MEF2B: variants seen among roughly 807,000 people sequenced by gnomAD.
The protein encoded by MEF2B is myocyte enhancer factor 2B.
A neutral mutation model predicts 32.2 loss-of-function variants in MEF2B; 15 were observed. The observed-to-expected ratio is 0.47, with a 90% confidence interval of 0.31 to 0.72. MEF2B has a LOEUF of 0.72. MEF2B is among the 30% of genes least tolerant of loss of function. The probability of loss-of-function intolerance (pLI) is 0.05; values close to 1 mark genes in which losing one functional copy is unlikely to be tolerated. For missense variants in MEF2B, 441 were observed against 511.5 expected, an observed-to-expected ratio of 0.86 and a Z score of 1.33; for synonymous variants, 205 against 225.6, an observed-to-expected ratio of 0.91 and a Z score of 0.82.
rs1264582324 is a variant in MEF2B, at chr19:19,164,574, G to C, written c.-30+5631C>G. ...CACGCCTGTAATCCCACTACTTTGG[G>C]AGACCGAGGTGGGCAGATCACTTGA... On this transcript the variant is annotated intron_variant, in intron 1 of 8. Transcript: ENST00000424583. 2.0e-5 allele frequency among the ~76,000 whole-genome samples: 3 copies of C among 152,242 alleles called. No homozygotes were observed. In the East Asian group the frequency reaches 5.8e-4, roughly 29 times the overall value.
intron 1 of MEF2B, among the ~76,000 whole-genome samples, chr19:19,152,104 G>A (rs1212598442): frequency 6.6e-6 from 1 of 151,724 alleles, no homozygotes; most frequent in Non-Finnish European, 1.5e-5. Flanking sequence ...GAGATTACAG[G>A]TGCCCTCCAC....
At chr19:19,155,171 T>C (rs1208668011) in intron 1 of MEF2B, among the ~76,000 whole-genome samples, 1 of 152,186 alleles carries the variant, frequency 6.6e-6, no homozygotes, top group African/African-American at 2.4e-5. Context: ...CCCACTGCCC[T>C]TATGAGAAAG....
Position 19,146,030 on chromosome 19 carries a change from G to C in MEF2B, c.882-8C>G, listed in dbSNP as rs2099153908. The C allele has an allele frequency of 7.0e-7, 1 of 1,425,136 alleles. No individual in the cohort carries two copies. The highest frequency in any genetic ancestry group is 1.5e-5 in the South Asian group (1 of 65,766). 88.3% of individuals were successfully genotyped at this position (1,425,136 alleles called of 1,614,324 possible). On this transcript the variant is annotated splice_region_variant and splice_polypyrimidine_tract_variant and intron_variant, in intron 8 of 8. Transcript: ENST00000424583. ...CCCAGGCTTCGGCCCCCACTGCAGG[G>C]GGAAAGAGAGAGGGAGGCCGTGAGC...
At chr19:19,161,826 GAGAC>G (rs1232613729) in intron 1 of MEF2B, among the ~76,000 whole-genome samples, 1 of 134,576 alleles carries the variant, frequency 7.4e-6, no homozygotes, top group African/African-American at 2.8e-5. Flanking sequence ...TTTTTTTTGT[GAGAC>G]AGAGTCTCAC....
intron 2 of MEF2B, 103 bp downstream of exon 2, chr19:19,150,578 TC>T: frequency 8.0e-7 from 1 of 1,249,122 alleles, no homozygotes; most frequent in Non-Finnish European, 1.1e-6. Context: ...TCCTCATGCC[TC>T]CTCATTCCCC....
At chr19:19,150,166 GGGAAGGAGGGAGGGAGGGAAGGAA>G (rs1253370477) in intron 2 of MEF2B, among the ~76,000 whole-genome samples, 3 of 121,320 alleles carry the variant, frequency 2.5e-5, no homozygotes, top group African/African-American at 6.8e-5. Flanking sequence ...GAGGGAGGGA[GGGAAGGAGGGAGGGAGGGAAGGAA>G]GGAAGGAAGG....
At position 19,149,279 on chromosome 19, in the gene MEF2B, A is replaced by G; in HGVS notation, c.205T>C (p.Tyr69His). Residue 69 changes from tyrosine to histidine, a missense_variant, in exon 3 of 9, where the codon TAC (tyrosine) becomes CAC (histidine). Transcript: ENST00000424583. ...STDMDRVLLK[Y>H]TEYSEPHESR... ...TCGTGGGGCTCGCTGTACTCTGTGT[A>G]CTTCAGCAGCACACGGTCCATGTCC... 1 of 1,613,778 alleles carries G rather than the reference A, an allele frequency of 6.2e-7. No homozygotes were observed. Among genetic ancestry groups the G allele is most frequent in the Non-Finnish European group, 8.5e-7 (1 of 1,179,970 alleles).
chr19:19,159,240 C>CCA, intron 1 of MEF2B, among the ~76,000 whole-genome samples: 1 of 49,154 alleles, frequency 2.0e-5, no homozygotes, highest in African/African-American at 1.0e-4. Context: ...AGTGCGTGGC[C>CCA]TAAAAAAAAA....
rs772319577 is a variant in MEF2B at position 19,147,121 on chromosome 19, ACAG to A, written c.453_455del (p.Cys152del). The A allele has an allele frequency of 1.9e-6, 3 of 1,606,674 alleles. No individual in the cohort carries two copies. The highest frequency in any genetic ancestry group is 2.5e-6 in the Non-Finnish European group (3 of 1,177,496). On this transcript the variant is annotated inframe_deletion, in exon 5 of 9. Transcript: ENST00000424583. ...GTGCTTCCCCAAGCCCACTGGGGTC[ACAG>A]CCTGGTGGCGGTAAGGCCCCGTATA...
intron 1 of MEF2B, among the ~76,000 whole-genome samples, chr19:19,151,787 A>G (rs1024416695): frequency 6.6e-6 from 1 of 152,006 alleles, no homozygotes; most frequent in African/African-American, 2.4e-5. Flanking sequence ...CTGGTAGGAA[A>G]TGCTGAGCAC....
chr19:19,166,066 G>C (rs1286362223), intron 1 of MEF2B, among the ~76,000 whole-genome samples: 3 of 152,104 alleles, frequency 2.0e-5, no homozygotes, highest in Non-Finnish European at 1.5e-5. Flanking sequence ...CTGACCCCCA[G>C]ACACCCCAGG....
At position 19,146,762 on chromosome 19, in the gene MEF2B, G is replaced by C. The variant is rs776995876; in HGVS notation, c.655C>G (p.Arg219Gly). 10 of 1,613,878 alleles carry C rather than the reference G, an allele frequency of 6.2e-6. No individual in the cohort carries two copies. Among genetic ancestry groups the C allele is most frequent in the African/African-American group, 5.3e-5 (4 of 74,894 alleles). The change falls in exon 6 of 9, where the codon CGA becomes GGA. Residue 219 changes from arginine (R) to glycine (G), a missense_variant. Physicochemically the swap from Arg to Gly is moderately radical, Grantham distance 125 (BLOSUM62 -2). Coordinates refer to ENST00000424583, the MANE Select transcript of MEF2B (RefSeq NM_001145785.2). ...CTCACGGAGGTGTTTAGTCCCCCTC[G>C]GGGCCCAGCCAGGCCACCAGGCAGG... is the stretch of plus-strand genomic sequence containing the variant. ...SDLPGGLAGP[R>G]GGLNTSRSLY... is the part of the protein sequence containing the mutation.
chr19:19,151,508 C>A (rs769252751), intron 1 of MEF2B, among the ~76,000 whole-genome samples: 9 of 152,096 alleles, frequency 5.9e-5, no homozygotes, highest in African/African-American at 9.7e-5. Context: ...TTCCTGGGAA[C>A]AATCGAATCA....
At chr19:19,161,282 C>T (rs781220835) in intron 1 of MEF2B, among the ~76,000 whole-genome samples, 1 of 151,756 alleles carries the variant, frequency 6.6e-6, no homozygotes, top group Admixed American at 6.6e-5. Context: ...GGGACAGGGG[C>T]GGATGGGGTT....
In MEF2B at chr19:19,146,362, TG is replaced by T; in HGVS notation, c.791del (p.Pro264HisfsTer140). On this transcript the variant is annotated frameshift_variant, in exon 8 of 9. Coordinates refer to ENST00000424583, the MANE Select transcript of MEF2B (RefSeq NM_001145785.2). LOFTEE classifies it high-confidence loss of function. ...GGGGCTGCAACAAGCCAGGGGGCGG[TG>T]GAGGGTCTCCCAGGCCATATTCTGG... ...GPPEYGLGDP[P>X]PPPGLLQPPT... is the part of the protein sequence containing the mutation. 2 of 1,062,178 alleles carry T rather than the reference TG, an allele frequency of 1.9e-6. No homozygotes were observed. Among genetic ancestry groups the T allele is most frequent in the Non-Finnish European group, 2.6e-6 (2 of 783,204 alleles). The allele number at this position is 1,062,178 out of a possible 1,614,324, so 65.8% of individuals were successfully genotyped here. A position where few individuals can be genotyped will look rare whatever the true frequency, so the allele number is the denominator to read the frequency against.
At chr19:19,160,651 C>T (rs1347660118) in intron 1 of MEF2B, among the ~76,000 whole-genome samples, 1 of 62,610 alleles carries the variant, frequency 1.6e-5, no homozygotes, top group Non-Finnish European at 3.1e-5. Flanking sequence ...TGAGGGCCCG[C>T]GGGAGGCGGT....
chr19:19,146,616 G>A lies in MEF2B; in HGVS notation c.708C>T (p.Cys236=), dbSNP rs1364327725. The change falls in exon 7 of 9, where the codon TGC becomes TGT. Residue 236 remains cysteine, a synonymous_variant. Transcript: ENST00000424583. ...RSLYSGLQNP[C]STATPGPPLG... is the part of the protein sequence containing the mutation. Reference sequence around the variant, plus strand: ...GTGGGGGTCCGGGAGTTGCAGTGGAGCAGGGGTTCTGCAGGCCACTGTAGA... The same window carrying A: ...GTGGGGGTCCGGGAGTTGCAGTGGAACAGGGGTTCTGCAGGCCACTGTAGA... The A allele has an allele frequency of 1.2e-6, 2 of 1,611,074 alleles. No homozygotes were observed. Among genetic ancestry groups the A allele is most frequent in the Non-Finnish European group, 1.7e-6 (2 of 1,178,720 alleles).
intron 1 of MEF2B, among the ~76,000 whole-genome samples, chr19:19,167,265 C>A (rs1192632342): frequency 6.7e-6 from 1 of 150,270 alleles, no homozygotes; most frequent in African/African-American, 2.5e-5. Flanking sequence ...GCAGAAGAAT[C>A]GCTTGAACCT....
intron 1 of MEF2B, 116 bp downstream of exon 1, chr19:19,170,073 CGACACACACCCCTTTA>C (rs1286835082): frequency 2.3e-5 from 9 of 397,306 alleles, no homozygotes; most frequent in South Asian, 1.4e-4. Context: ...CACCACCCCA[CGACACACACCCCTTTA>C]GACACACACC....
Sources: allele counts gnomAD v4.1 joint callset (sites outside exome capture counted in the v4.1 genomes callset), GRCh38; gene constraint gnomAD v4.1.1; transcripts MANE v1.5; gene names NCBI Gene and HGNC (gene_info 2026-07-23, HGNC 2026-07-21).